CTDP1: variants seen among roughly 807,000 people sequenced by gnomAD.
CTDP1 encodes the protein CTD phosphatase 1.
CTDP1 carries 47 observed loss-of-function variants against 91.8 expected under a neutral mutation model. The ratio of observed to expected loss-of-function variants is 0.51; its 90% confidence interval spans 0.41 to 0.65. The LOEUF (loss-of-function observed/expected upper bound fraction) is 0.65, where lower values mean the gene tolerates loss of function less well. Ranked by LOEUF, CTDP1 falls within the 30% of genes least tolerant of loss-of-function variation. CTDP1 has a pLI of 0.00. For missense variants in CTDP1, 1,272 were observed against 1,373.7 expected, an observed-to-expected ratio of 0.93 and a Z score of 1.17; for synonymous variants, 656 against 598.5, an observed-to-expected ratio of 1.10 and a Z score of -1.40.
chr18:79,692,395 G>A (rs911240761), intron 1 of CTDP1, among the ~76,000 whole-genome samples: 13 of 152,098 alleles, frequency 8.5e-5, no homozygotes, highest in Non-Finnish European at 5.9e-5. Context: ...AAGTTCTGAA[G>A]TCAGGTAGTA....
In CTDP1 at chr18:79,736,381, C is replaced by A. The variant is rs1003421491; in HGVS notation, c.2607C>A (p.Ser869Arg). The change falls in exon 12 of 13, where the codon AGC becomes AGA. Residue 869 changes from serine to arginine, a missense_variant. Physicochemically the swap from Ser to Arg is moderately radical, Grantham distance 110 (BLOSUM62 -1). This residue lies in a region of CTDP1 where 881 missense variants were observed against 911.6 expected (regional missense o/e 0.97). Coordinates refer to ENST00000613122, the MANE Select transcript of CTDP1 (RefSeq NM_004715.5). ...KEVDDILGEG[S>R]DDSDSEKRRP... ...TGGACGACATCCTTGGAGAAGGCAG[C>A]GACGACAGCGACAGCGAGAAGAGGA... is the stretch of plus-strand genomic sequence containing the variant. 6.5e-7 allele frequency: 1 copy of A among 1,549,322 alleles called. No homozygotes were observed. The highest frequency in any genetic ancestry group is 8.7e-7 in the Non-Finnish European group (1 of 1,146,984).
At position 79,704,618 on chromosome 18, in the gene CTDP1, A is replaced by G. The variant is rs1250363638; in HGVS notation, c.622-149A>G. On this transcript the variant is annotated intron_variant, in intron 4 of 12. Coordinates refer to ENST00000613122, the MANE Select transcript of CTDP1 (RefSeq NM_004715.5). ...CTGTCTCAGGCACCCGTGTGTCTTC[A>G]GGACGCCTGTCGGGCACACGCGTGT... 10 of 999,794 alleles carry G rather than the reference A, an allele frequency of 1.0e-5. No homozygotes were observed. In the South Asian group the frequency reaches 1.2e-4, roughly 12 times the overall value. 61.9% of individuals were successfully genotyped at this position (999,794 alleles called of 1,614,324 possible). A position where few individuals can be genotyped will look rare whatever the true frequency, so the allele number is the denominator to read the frequency against.
intron 10 of CTDP1, among the ~76,000 whole-genome samples, chr18:79,720,713 A>G (rs547963536): frequency 6.6e-6 from 1 of 152,234 alleles, no homozygotes; most frequent in Admixed American, 6.5e-5. Context: ...TGTCTTTCCA[A>G]CACTGCTTCT....
chr18:79,678,083 T>G (rs2085275828), upstream of CTDP1: 2 of 152,244 alleles, frequency 1.3e-5, no homozygotes, highest in Admixed American at 6.5e-5. Flanking sequence ...AATGCACTCC[T>G]AAGAGCAAGT....
intron 1 of CTDP1, among the ~76,000 whole-genome samples, chr18:79,683,443 C>T (rs866445696): frequency 5.3e-5 from 8 of 152,296 alleles, no homozygotes; most frequent in Middle Eastern, 3.4e-3. Flanking sequence ...AGCTCATCTG[C>T]GTGTGAGGGC....
intron 1 of CTDP1, among the ~76,000 whole-genome samples, chr18:79,682,103 C>T (rs1390039484): frequency 6.6e-6 from 1 of 152,190 alleles, no homozygotes; most frequent in African/African-American, 2.4e-5. Flanking sequence ...AGGTTCCTGC[C>T]TCGCAGTTGC....
intron 6 of CTDP1, among the ~76,000 whole-genome samples, chr18:79,711,416 G>A (rs931391347): frequency 6.6e-6 from 1 of 152,120 alleles, no homozygotes; most frequent in Non-Finnish European, 1.5e-5. Context: ...GAATGGCCAG[G>A]GCTCCTGGGG....
intron 12 of CTDP1, among the ~76,000 whole-genome samples, chr18:79,742,174 TGAAGCATGAGAGAGAGA>T (rs1245161206): frequency 1.4e-5 from 1 of 69,354 alleles, no homozygotes; most frequent in Non-Finnish European, 2.9e-5. Flanking sequence ...AGAGGAAGCA[TGAAGCATGAGAGAGAGA>T]GAGAGAGAGA....
At chr18:79,744,300 C>G (rs981979375) in intron 12 of CTDP1, among the ~76,000 whole-genome samples, 4 of 152,198 alleles carry the variant, frequency 2.6e-5, no homozygotes, top group African/African-American at 9.7e-5. Flanking sequence ...GCAGGTGACC[C>G]CAACCTTGGC....
intron 12 of CTDP1, among the ~76,000 whole-genome samples, chr18:79,739,802 G>C (rs982053820): frequency 9.3e-5 from 14 of 149,780 alleles, no homozygotes; most frequent in South Asian, 2.2e-4. Context: ...TCATACCCAC[G>C]GCCGGGACGG....
At position 79,715,057 on chromosome 18, in the gene CTDP1, C is replaced by T; in HGVS notation, c.1597C>T (p.Gln533Ter). ...GGACAAGGAGCCTGAGCTGGGTGGG[C>T]AGGAGGAGGGCGAGCGGGATGGCCT... ...APDKEPELGG[Q>*]EEGERDGLCG... is the part of the protein sequence containing the mutation. Residue 533 changes from glutamine (Q) to a stop codon, truncating the protein, a stop_gained, in exon 8 of 13, where the codon CAG becomes TAG. Transcript: ENST00000613122. LOFTEE classifies it high-confidence loss of function. 1 of 1,610,916 alleles carries T rather than the reference C, an allele frequency of 6.2e-7. No individual in the cohort carries two copies. Among genetic ancestry groups the T allele is most frequent in the Non-Finnish European group, 8.5e-7 (1 of 1,179,122 alleles).
intron 12 of CTDP1, among the ~76,000 whole-genome samples, chr18:79,744,786 C>T (rs554722570): frequency 1.2e-4 from 19 of 152,292 alleles, no homozygotes; most frequent in South Asian, 1.0e-3. Context: ...GAGGTTCCCC[C>T]GCCACTCAGT....
At chr18:79,684,784 C>T (rs1362238345) in intron 1 of CTDP1, among the ~76,000 whole-genome samples, 1 of 152,238 alleles carries the variant, frequency 6.6e-6, no homozygotes, top group Non-Finnish European at 1.5e-5. Context: ...TCGTTTTGAT[C>T]TTTAATAAGA....
rs553930057 is a variant in CTDP1, at chr18:79,706,757, G to A, written c.772+1840G>A. ...GAGTTCCTAAAACCAGGATTGTTCG[G>A]TGAGGGAGTGGTTCCTGACCCCCAG... is the stretch of plus-strand genomic sequence containing the variant. On this transcript the variant is annotated intron_variant, in intron 5 of 12. Coordinates refer to ENST00000613122, the MANE Select transcript of CTDP1 (RefSeq NM_004715.5). Among the ~76,000 whole-genome samples, 3 of 152,338 alleles carry A rather than the reference G, an allele frequency of 2.0e-5. No homozygotes were observed. The East Asian group carries it at 5.8e-4, about 29-fold the overall frequency.
chr18:79,734,404 G>C (rs1192993125), intron 11 of CTDP1, among the ~76,000 whole-genome samples: 1 of 152,284 alleles, frequency 6.6e-6, no homozygotes, highest in Non-Finnish European at 1.5e-5. Flanking sequence ...AGGGAGAGGA[G>C]ATCGGAGGAG....
chr18:79,746,264 TGTGCCCGC>T (rs1328491758), intron 12 of CTDP1, among the ~76,000 whole-genome samples: 5 of 69,720 alleles, frequency 7.2e-5, no homozygotes, highest in African/African-American at 1.7e-4. Flanking sequence ...GTGCGCGTTC[TGTGCCCGC>T]GTCCCTCCCG....
chr18:79,742,258 C>T (rs1447150527), intron 12 of CTDP1, among the ~76,000 whole-genome samples: 3 of 146,598 alleles, frequency 2.0e-5, no homozygotes, highest in Non-Finnish European at 4.5e-5. Flanking sequence ...GGCCTGAGGG[C>T]AGCAGAGGAG....
At chr18:79,682,108 A>G (rs935040742) in intron 1 of CTDP1, among the ~76,000 whole-genome samples, 4 of 152,160 alleles carry the variant, frequency 2.6e-5, no homozygotes, top group Non-Finnish European at 4.4e-5. Flanking sequence ...CCTGCCTCGC[A>G]GTTGCATTAG....
intron 4 of CTDP1, among the ~76,000 whole-genome samples, chr18:79,698,310 C>G (rs747007461): frequency 1.3e-5 from 2 of 151,632 alleles, no homozygotes; most frequent in African/African-American, 2.4e-5. Flanking sequence ...GTGGATGGTG[C>G]GAGGCGTGTC....
Sources: allele counts gnomAD v4.1 joint callset (sites outside exome capture counted in the v4.1 genomes callset), GRCh38; gene constraint gnomAD v4.1.1; regional missense constraint gnomAD v4.1.1; transcripts MANE v1.5; gene names NCBI Gene and HGNC (gene_info 2026-07-23, HGNC 2026-07-21).